Variants in SYTL5 observed in about 807,000 individuals in gnomAD.
The protein encoded by SYTL5 is synaptotagmin-like protein 5.
SYTL5 carries 34 observed loss-of-function variants against 55.9 expected under a neutral mutation model. The ratio of observed to expected loss-of-function variants is 0.61; its 90% CI spans 0.46 to 0.81. SYTL5 has a LOEUF of 0.81. Among genes scored for constraint, SYTL5 ranks in the 30% least tolerant of loss-of-function variants. The probability of loss-of-function intolerance (pLI) is 0.00; values close to 1 mark genes in which losing one functional copy is unlikely to be tolerated. For synonymous variants in SYTL5, 221 were observed against 188.7 expected, an observed-to-expected ratio of 1.17 and a Z score of -1.40; for missense variants, 637 against 546.7, an observed-to-expected ratio of 1.17 and a Z score of -1.65.
intron 4 of SYTL5, among the ~76,000 whole-genome samples, chrX:38,073,262 C>CA (rs1277038801): frequency 2.7e-5 from 3 of 111,935 alleles, no homozygotes; most frequent in Non-Finnish European, 3.8e-5. Context: ...TGCTAGAACT[C>CA]AGTCTCCAGG....
chrX:38,022,631 T>C (rs767648265), intron 1 of SYTL5, among the ~76,000 whole-genome samples: 8 of 112,207 alleles, frequency 7.1e-5, no homozygotes, highest in Non-Finnish European at 1.3e-4. Context: ...TGTGATTACA[T>C]TGGGATCACC....
rs1257708140 is a variant in SYTL5, at chrX:38,125,463, C to A, written c.2007C>A (p.Ser669=). The change falls in exon 16 of 17, where the codon TCC becomes TCA. Residue 669 remains serine, a synonymous_variant. Transcript: ENST00000297875. ...ELTIWDKEAF[S]SNIFLGGVRL... The stretch of plus-strand genomic sequence containing the variant: ...CTATCTGGGACAAGGAGGCCTTTTC[C>A]AGCAACATCTTTCTGGGAGGAGTTC... The A allele has an allele frequency of 1.7e-6, 2 of 1,211,562 alleles. No individual in the cohort carries two copies. Among genetic ancestry groups the A allele is most frequent in the Non-Finnish European group, 2.2e-6 (2 of 895,275 alleles).
In SYTL5 at chrX:38,043,702, T is replaced by TATATATAC. The variant is rs1336463479; in HGVS notation, c.119+9695_119+9696insTATATACA. On this transcript the variant is annotated intron_variant, in intron 2 of 16. Coordinates refer to ENST00000297875, the MANE Select transcript of SYTL5 (RefSeq NM_138780.3). ...ATATATATATATATACATATATATA[T>TATATATAC]ACATATTTTCATATAGCTGGAAATT... Among the ~76,000 whole-genome samples the TATATATAC allele has an allele frequency of 4.0e-4, 36 of 89,703 alleles. 1 individual carries two copies. The highest frequency in any genetic ancestry group is 5.5e-4 in the Non-Finnish European group (25 of 45,436). The allele number at this position is 89,703 out of a possible 115,157, so 77.9% of individuals were successfully genotyped here. A position where few individuals can be genotyped will look rare whatever the true frequency, so the allele number is the denominator to read the frequency against.
At chrX:37,897,394 A>C in the SYTL5 span, among the ~76,000 whole-genome samples, 1 of 108,664 alleles carries the variant, frequency 9.2e-6, no homozygotes, top group South Asian at 4.2e-4. Context: ...GAGGCAGAAG[A>C]ATCACTTGAA....
rs1280012875 is a variant in SYTL5 at position 38,089,604 on chromosome X, G to A, written c.831+17G>A. 14 of 1,197,289 alleles carry A rather than the reference G, an allele frequency of 1.2e-5. No homozygotes were observed. The highest frequency in any genetic ancestry group is 1.6e-5 in the Non-Finnish European group (14 of 887,919). ...ATCAGTAGAGTAAGTACACAAACCT[G>A]ATGAACACCGTATTAGTTCATTCTC... On this transcript the variant is annotated intron_variant, in intron 7 of 16. Coordinates refer to ENST00000297875, the MANE Select transcript of SYTL5 (RefSeq NM_138780.3).
In SYTL5 at chrX:38,076,667, T is replaced by C; in HGVS notation, c.655T>C (p.Phe219Leu). The change falls in exon 6 of 17, where the codon TTT (phenylalanine) becomes CTT (leucine). Residue 219 changes from phenylalanine to leucine, a missense_variant. Phe to Leu is a conservative substitution (Grantham distance 22, BLOSUM62 0). Transcript: ENST00000297875. ...TAGCTTGGACTTAGACGGTCAACATTTTCGGAGTTTAAAATCACCTCCTGG... is the reference window on the plus strand; with the variant it reads ...TAGCTTGGACTTAGACGGTCAACATCTTCGGAGTTTAAAATCACCTCCTGG... ...SYSLDLDGQH[F>L]RSLKSPPGSD... 1 of 1,210,748 alleles carries C rather than the reference T, an allele frequency of 8.3e-7. No individual in the cohort carries two copies. The highest frequency in any genetic ancestry group is 1.8e-5 in the South Asian group (1 of 56,852).
At chrX:38,049,827 CACTT>C (rs887548229) in intron 2 of SYTL5, among the ~76,000 whole-genome samples, 14 of 112,319 alleles carry the variant, frequency 1.2e-4, no homozygotes, top group African/African-American at 4.5e-4. Flanking sequence ...CTGTGCTAAA[CACTT>C]ACAAACATTG....
chrX:38,034,719 C>G (rs1034132369), intron 2 of SYTL5, among the ~76,000 whole-genome samples: 1 of 112,449 alleles, frequency 8.9e-6, no homozygotes, highest in Non-Finnish European at 1.9e-5. Context: ...AATATTTCAG[C>G]CAGCATCAAT....
the SYTL5 span, among the ~76,000 whole-genome samples, chrX:37,895,409 T>TTTCCTTCCTTCA: frequency 7.5e-3 from 624 of 83,406 alleles, 20 homozygotes; most frequent in African/African-American, 0.033. Context: ...TAGTTTTTCT[T>TTTCCTTCCTTCA]TTCCTTCCTT....
chrX:38,003,139 G>T (rs1038772680), upstream of SYTL5, among the ~76,000 whole-genome samples: 15 of 111,556 alleles, frequency 1.3e-4, no homozygotes, highest in African/African-American at 6.5e-5. Context: ...TTTCCCCATT[G>T]CTTGTTTTTC....
chrX:38,054,166 G>C, intron 2 of SYTL5, 47 bp from the exon 3 acceptor site: 1 of 957,996 alleles, frequency 1.0e-6, no homozygotes, highest in Non-Finnish European at 1.5e-6. Flanking sequence ...AGATATCTCT[G>C]CTCCTGTTTG....
At chrX:38,009,010 A>G (rs1384065777) in intron 1 of SYTL5, among the ~76,000 whole-genome samples, 1 of 111,770 alleles carries the variant, frequency 8.9e-6, no homozygotes, top group Non-Finnish European at 1.9e-5. Flanking sequence ...TACTTTTCCA[A>G]ATTCTCATTT....
chrX:37,961,059 C>T, the SYTL5 span, among the ~76,000 whole-genome samples: 15 of 110,447 alleles, frequency 1.4e-4, no homozygotes, highest in South Asian at 2.3e-3. Context: ...GCTGGGATTA[C>T]GGGTGTGAGC....
At chrX:37,986,214 T>C in the SYTL5 span, among the ~76,000 whole-genome samples, 18 of 111,183 alleles carry the variant, frequency 1.6e-4, no homozygotes, top group Admixed American at 9.5e-5. Context: ...CTATTTTTTT[T>C]TTTTAAAGAA....
chrX:37,936,010 C>T, the SYTL5 span, among the ~76,000 whole-genome samples: 4 of 111,106 alleles, frequency 3.6e-5, no homozygotes, highest in African/African-American at 9.8e-5. Flanking sequence ...ACAAATATGT[C>T]GAAAGTTAAA....
intron 7 of SYTL5, among the ~76,000 whole-genome samples, chrX:38,093,160 T>C (rs978258137): frequency 4.5e-5 from 5 of 112,028 alleles, no homozygotes; most frequent in African/African-American, 1.6e-4. Context: ...TACCTCCAGC[T>C]ACAGGTATTA....
chrX:38,114,707 A>G (rs1937442178), intron 13 of SYTL5, among the ~76,000 whole-genome samples: 1 of 111,489 alleles, frequency 9.0e-6, no homozygotes, highest in African/African-American at 3.3e-5. Flanking sequence ...TACTCTCAGC[A>G]ATTTTCAAGA....
chrX:37,920,525 C>A, the SYTL5 span, among the ~76,000 whole-genome samples: 2 of 111,059 alleles, frequency 1.8e-5, no homozygotes, highest in African/African-American at 3.3e-5. Context: ...CTTTGCCATG[C>A]CTAGAGGACC....
chrX:38,120,937 A>C (rs1279114480), intron 14 of SYTL5, among the ~76,000 whole-genome samples: 2 of 111,638 alleles, frequency 1.8e-5, no homozygotes, highest in African/African-American at 3.3e-5. Flanking sequence ...TGCTATAAGA[A>C]ATACCAAGAC....
Sources: allele counts gnomAD v4.1 joint callset (sites outside exome capture counted in the v4.1 genomes callset), GRCh38; gene constraint gnomAD v4.1.1; transcripts MANE v1.5; gene names NCBI Gene and HGNC (gene_info 2026-07-23, HGNC 2026-07-21).